C12orf42: variants seen among roughly 807,000 people sequenced by gnomAD.
C12orf42 encodes chromosome 12 open reading frame 42, also known as uncharacterized protein C12orf42.
A neutral mutation model predicts 21.6 loss-of-function variants in C12orf42; 25 were observed. The ratio of observed to expected loss-of-function variants is 1.16; its 90% CI spans 0.84 to 1.62. The LOEUF (loss-of-function observed/expected upper bound fraction) is 1.62. Among genes scored for constraint, C12orf42 ranks in the 40% most tolerant of loss-of-function variants. The probability of loss-of-function intolerance (pLI) is 0.00; values close to 1 mark genes in which losing one functional copy is unlikely to be tolerated. For synonymous variants in C12orf42, 174 were observed against 175.0 expected, an observed-to-expected ratio of 0.99 and a Z score of 0.05; for missense variants, 483 against 459.3, an observed-to-expected ratio of 1.05 and a Z score of -0.47.
At position 103,313,238 on chromosome 12, in the gene C12orf42, C is replaced by T. The variant is rs552039754; in HGVS notation, c.260-6893G>A. Among the ~76,000 whole-genome samples the T allele has an allele frequency of 1.2e-3, 184 of 152,326 alleles. 1 individual carries two copies. The highest frequency in any genetic ancestry group is 4.3e-3 in the African/African-American group (179 of 41,564). On this transcript the variant is annotated intron_variant, in intron 4 of 5. Coordinates refer to ENST00000548883, the MANE Select transcript of C12orf42 (RefSeq NM_198521.5). ...GGCATATCTAAAGTCCAACATAAAC[C>T]TCAAATAGATTTTCTATTAATGCTG...
chr12:103,072,179 G>C, the C12orf42 span, among the ~76,000 whole-genome samples: 2 of 152,098 alleles, frequency 1.3e-5, no homozygotes, highest in Admixed American at 6.6e-5. Flanking sequence ...ACTTTTCAAG[G>C]CTTTGAACAT....
intron 2 of C12orf42, among the ~76,000 whole-genome samples, chr12:103,458,168 T>C (rs535992305): frequency 1.3e-5 from 2 of 152,296 alleles, no homozygotes; most frequent in Admixed American, 6.5e-5. Flanking sequence ...TAGTCTATAC[T>C]GAAAAGACTC....
the C12orf42 span, among the ~76,000 whole-genome samples, chr12:103,227,208 G>C: frequency 2.6e-5 from 4 of 151,928 alleles, no homozygotes. Context: ...TGGAGGGAAG[G>C]GGTTCAGGGG....
intron 2 of C12orf42, among the ~76,000 whole-genome samples, chr12:103,416,749 C>T (rs2049381262): frequency 1.3e-5 from 2 of 152,256 alleles, no homozygotes; most frequent in South Asian, 4.1e-4. Flanking sequence ...TTACATAATT[C>T]TGATTTTATC....
chr12:103,158,752 C>T, the C12orf42 span, among the ~76,000 whole-genome samples: 9 of 151,622 alleles, frequency 5.9e-5, no homozygotes, highest in African/African-American at 1.7e-4. Context: ...TGGTGGCAGG[C>T]GCCTGTAATC....
At chr12:103,062,470 C>A in the C12orf42 span, among the ~76,000 whole-genome samples, 21 of 151,594 alleles carry the variant, frequency 1.4e-4, no homozygotes, top group Admixed American at 1.2e-3. Flanking sequence ...ATTTTATTTT[C>A]TTCTGGTTTC....
At chr12:103,259,554 C>T (rs2034787507) in intron 10 of C12orf42, among the ~76,000 whole-genome samples, 1 of 152,214 alleles carries the variant, frequency 6.6e-6, no homozygotes, top group Non-Finnish European at 1.5e-5. Flanking sequence ...GCTGGGATTA[C>T]AGGCATAAGC....
At chr12:103,137,890 T>A in the C12orf42 span, among the ~76,000 whole-genome samples, 1 of 151,956 alleles carries the variant, frequency 6.6e-6, no homozygotes, top group African/African-American at 2.4e-5. Context: ...GGTGGGGGCA[T>A]AAAGGAGGTT....
At chr12:103,383,922 G>C (rs2046382477) in intron 3 of C12orf42, among the ~76,000 whole-genome samples, 1 of 152,170 alleles carries the variant, frequency 6.6e-6, no homozygotes, top group South Asian at 2.1e-4. Context: ...CAGAGCCTAG[G>C]TGCTGTCATC....
chr12:103,158,157 A>G, the C12orf42 span, among the ~76,000 whole-genome samples: 1 of 152,204 alleles, frequency 6.6e-6, no homozygotes, highest in African/African-American at 2.4e-5. Flanking sequence ...TGCGTGGATT[A>G]TCTCTGATAT....
At chr12:103,197,911 C>G in the C12orf42 span, among the ~76,000 whole-genome samples, 1 of 152,200 alleles carries the variant, frequency 6.6e-6, no homozygotes, top group Non-Finnish European at 1.5e-5. Context: ...TCTCTGGCCC[C>G]TTAAGGTTGA....
intron 2 of C12orf42, among the ~76,000 whole-genome samples, chr12:103,413,362 T>A: frequency 6.6e-6 from 1 of 152,236 alleles, no homozygotes. Flanking sequence ...AGTTTTACAG[T>A]ATAGTTTGAA....
the C12orf42 span, among the ~76,000 whole-genome samples, chr12:103,079,113 C>T: frequency 6.6e-6 from 1 of 152,060 alleles, no homozygotes; most frequent in African/African-American, 2.4e-5. Context: ...TCCATGACAG[C>T]CAGAGATGAC....
chr12:103,204,708 T>C, the C12orf42 span, among the ~76,000 whole-genome samples: 1 of 152,180 alleles, frequency 6.6e-6, no homozygotes, highest in Non-Finnish European at 1.5e-5. Context: ...TTTCAAGGTA[T>C]ATGAATCCAA....
chr12:103,273,178 A>G (rs2035567997), intron 5 of C12orf42, among the ~76,000 whole-genome samples: 2 of 152,170 alleles, frequency 1.3e-5, no homozygotes, highest in South Asian at 2.1e-4. Flanking sequence ...GCTAGAATCC[A>G]TATTTTCAGC....
chr12:103,554,876 A>G, the C12orf42 span, among the ~76,000 whole-genome samples: 2 of 152,164 alleles, frequency 1.3e-5, no homozygotes, highest in Admixed American at 6.5e-5. Flanking sequence ...GGGAATTACA[A>G]TTTGACATGA....
At chr12:103,338,318 A>G (rs2041895115) in intron 4 of C12orf42, among the ~76,000 whole-genome samples, 1 of 152,256 alleles carries the variant, frequency 6.6e-6, no homozygotes. Context: ...GCTCTCTAAC[A>G]GAACTAAGAA....
chr12:103,308,193 T>C (rs1428383339), intron 4 of C12orf42, among the ~76,000 whole-genome samples: 1 of 152,216 alleles, frequency 6.6e-6, no homozygotes, highest in Non-Finnish European at 1.5e-5. Context: ...GGGTAGTAGT[T>C]GGCATTTAGA....
the C12orf42 span, among the ~76,000 whole-genome samples, chr12:103,205,426 TA>T: frequency 6.6e-6 from 1 of 152,170 alleles, no homozygotes; most frequent in South Asian, 2.1e-4. Context: ...CTCCCCTTTA[TA>T]AAGCCATCAG....
Sources: allele counts gnomAD v4.1 joint callset (sites outside exome capture counted in the v4.1 genomes callset), GRCh38; gene constraint gnomAD v4.1.1; transcripts MANE v1.5; gene names NCBI Gene and HGNC (gene_info 2026-07-23, HGNC 2026-07-21).